CCDC186: variants seen among roughly 807,000 people sequenced by gnomAD.
CCDC186 encodes coiled-coil domain containing 186, also known as coiled-coil domain-containing protein 186.
Under a neutral mutation model 113.7 loss-of-function variants are expected in CCDC186, and 49 were observed. The observed-to-expected ratio is 0.43, with a 90% CI of 0.34 to 0.55. CCDC186 has a LOEUF of 0.55. CCDC186 is among the 20% of genes least tolerant of loss of function. The probability of loss-of-function intolerance (pLI) is 0.02; values close to 1 mark genes in which losing one functional copy is unlikely to be tolerated. For missense variants in CCDC186, 890 were observed against 1,011.1 expected (o/e 0.88, Z 1.62); for synonymous variants, 355 against 345.8 (o/e 1.03, Z -0.30).
At chr10:114,153,285 C>T (rs551669048) in intron 3 of CCDC186, among the ~76,000 whole-genome samples, 1 of 152,026 alleles carries the variant, frequency 6.6e-6, no homozygotes, top group South Asian at 2.1e-4. Flanking sequence ...TGGAATGAGA[C>T]CTCAGTAACA....
rs2030852405 is a variant in CCDC186 at position 114,125,156 on chromosome 10, G to A, written c.2684C>T (p.Thr895Ile). The change falls in exon 16 of 16, where the codon ACA (threonine) becomes ATA (isoleucine). Residue 895 changes from threonine to isoleucine, a missense_variant. By Grantham distance (89) the Thr-to-Ile change is moderately conservative (BLOSUM62 -1). Transcript: ENST00000369287. ...AAGAGGCTTGTTTTAGGTTTTCTTTGTCCTCTGTTCTAGTTCATGCTGGTG... is the reference window on the plus strand; with the variant it reads ...AAGAGGCTTGTTTTAGGTTTTCTTTATCCTCTGTTCTAGTTCATGCTGGTG... ...IKHQHELEQR[T>I]KKT 2 of 1,604,740 alleles carry A rather than the reference G, an allele frequency of 1.2e-6. No individual in the cohort carries two copies. Among genetic ancestry groups the A allele is most frequent in the Non-Finnish European group, 8.5e-7 (1 of 1,175,686 alleles).
chr10:114,127,000 T>C (rs1206761464), intron 14 of CCDC186, among the ~76,000 whole-genome samples: 1 of 152,028 alleles, frequency 6.6e-6, no homozygotes. Context: ...TCTGCAAAAT[T>C]AGAGAACTCA....
rs142037116 is a variant in CCDC186, at chr10:114,141,564, C to T, written c.1221+2933G>A. On this transcript the variant is annotated intron_variant, in intron 6 of 15. Coordinates refer to ENST00000369287, the MANE Select transcript of CCDC186 (RefSeq NM_018017.4). ...GATGGAAACATGAACAATTTCCTAG[C>T]CTTGTGGGAGCTCTAGGGATTGTTG... Among the ~76,000 whole-genome samples, 428 of 152,162 alleles carry T rather than the reference C, an allele frequency of 2.8e-3. 2 individuals are homozygous for T. The Middle Eastern group carries it at 0.034, about 12-fold the overall frequency.
At chr10:114,138,102 T>G (rs1222101542) in intron 6 of CCDC186, among the ~76,000 whole-genome samples, 5 of 114,966 alleles carry the variant, frequency 4.3e-5, no homozygotes, top group African/African-American at 1.3e-4. Flanking sequence ...TAGCCAGGCA[T>G]GGTGGTGGGC....
intron 10 of CCDC186, 56 bp from the exon 11 acceptor site, chr10:114,132,240 A>G: frequency 1.6e-6 from 2 of 1,284,960 alleles, no homozygotes; most frequent in Non-Finnish European, 2.1e-6. Flanking sequence ...ACATTAAATT[A>G]ATGGTTTGGG....
intron 15 of CCDC186, 85 bp downstream of exon 15, chr10:114,125,801 C>T: frequency 4.4e-6 from 5 of 1,138,472 alleles, no homozygotes; most frequent in Non-Finnish European, 5.2e-6. Context: ...ACAGAAACAG[C>T]CCAGCTGATT....
chr10:114,150,838 A>G (rs866861257), intron 4 of CCDC186, among the ~76,000 whole-genome samples: 1 of 152,100 alleles, frequency 6.6e-6, no homozygotes, highest in Non-Finnish European at 1.5e-5. Context: ...TTTAGTAGAG[A>G]TGGGGTTTCA....
chr10:114,141,494 T>C (rs527370882), intron 6 of CCDC186, among the ~76,000 whole-genome samples: 1 of 152,318 alleles, frequency 6.6e-6, no homozygotes, highest in East Asian at 1.9e-4. Flanking sequence ...GGCTGCTTGA[T>C]GCAGCCCTGC....
intron 13 of CCDC186, 83 bp downstream of exon 13, chr10:114,129,808 G>A: frequency 1.7e-6 from 2 of 1,204,210 alleles, no homozygotes; most frequent in East Asian, 2.4e-5. Context: ...GGGATTACAG[G>A]TGTGAGCCAT....
At chr10:114,135,202 T>C (rs2031218038) in intron 9 of CCDC186, 147 bp from the exon 10 acceptor site, 5 of 768,200 alleles carry the variant, frequency 6.5e-6, no homozygotes, top group African/African-American at 1.9e-5. Flanking sequence ...AATCCTAGCT[T>C]TTAGTCTCAG....
At chr10:114,161,944 T>C (rs2032179997) in intron 2 of CCDC186, 1 of 152,200 alleles carries the variant, frequency 6.6e-6, no homozygotes, top group South Asian at 2.1e-4. Context: ...ATGAAAAGTA[T>C]ATGATTTCAC....
At chr10:114,140,758 G>GT (rs995466609) in intron 6 of CCDC186, among the ~76,000 whole-genome samples, 2 of 151,362 alleles carry the variant, frequency 1.3e-5, no homozygotes, top group African/African-American at 2.4e-5. Context: ...ATGTCAATCT[G>GT]TTTTTTTTCT....
At chr10:114,159,640 CAAAAAAAAAAA>C (rs34339225) in intron 2 of CCDC186, among the ~76,000 whole-genome samples, 3 of 55,484 alleles carry the variant, frequency 5.4e-5, no homozygotes, top group Non-Finnish European at 1.1e-4. Flanking sequence ...GACTCCGTCT[CAAAAAAAAAAA>C]AAAAAAAAAA....
Position 114,157,592 on chromosome 10 carries a change from T to C in CCDC186, c.721A>G (p.Thr241Ala). The C allele has an allele frequency of 6.2e-7, 1 of 1,611,468 alleles. No homozygotes were observed. Among genetic ancestry groups the C allele is most frequent in the Non-Finnish European group, 8.5e-7 (1 of 1,179,284 alleles). The change falls in exon 3 of 16, where the codon ACA becomes GCA. Residue 241 changes from threonine to alanine, a missense_variant. By Grantham distance (58) the Thr-to-Ala change is moderately conservative (BLOSUM62 0). Coordinates refer to ENST00000369287, the MANE Select transcript of CCDC186 (RefSeq NM_018017.4). ...TTCATATGCTGCTTCTCAGTTTCTG[T>C]TCTTTTCTTTAGTTCTTCTCTTAAA... ...DNLREELKKRTETEKQHMNTI... is the reference protein window; with the variant it reads ...DNLREELKKRAETEKQHMNTI...
chr10:114,144,428 A>G, intron 6 of CCDC186, 69 bp downstream of exon 6: 1 of 1,530,452 alleles, frequency 6.5e-7, no homozygotes, highest in Non-Finnish European at 8.8e-7. Flanking sequence ...TCTCAAAAAA[A>G]AAACAAAAAC....
In CCDC186 at chr10:114,124,899, G is replaced by T; in HGVS notation, c.*244C>A. ...CTTATGAATACAAGCAAATTAAGTT[G>T]TTTAGATTCAATGACAGGCTGTCAT... is the stretch of plus-strand genomic sequence containing the variant. On this transcript the variant is annotated 3_prime_UTR_variant, in exon 16 of 16. Coordinates refer to ENST00000369287, the MANE Select transcript of CCDC186 (RefSeq NM_018017.4). 2 of 364,234 alleles carry T rather than the reference G, an allele frequency of 5.5e-6. No individual in the cohort carries two copies. Among genetic ancestry groups the T allele is most frequent in the Non-Finnish European group, 9.8e-6 (2 of 204,464 alleles). 22.6% of individuals were successfully genotyped at this position (364,234 alleles called of 1,614,324 possible).
rs779004873 is a variant in CCDC186 at position 114,131,950 on chromosome 10, C to T, written c.1890G>A (p.Met630Ile). 1.2e-6 allele frequency: 2 copies of T among 1,607,354 alleles called. No individual in the cohort carries two copies. Among genetic ancestry groups the T allele is most frequent in the Non-Finnish European group, 1.7e-6 (2 of 1,176,582 alleles). Residue 630 changes from methionine (M) to isoleucine (I), a missense_variant, in exon 11 of 16, where the codon ATG becomes ATA. Coordinates refer to ENST00000369287, the MANE Select transcript of CCDC186 (RefSeq NM_018017.4). ...TTACCAAATTAATATTTGTCTGTTT[C>T]ATTTGTTCACACTGGCTTTGTAACT... Reference protein sequence around the residue: ...ESQLQSQCEQMKQTNINLESR... With the variant: ...ESQLQSQCEQIKQTNINLESR...
At chr10:114,133,896 C>T (rs1228242436) in intron 10 of CCDC186, among the ~76,000 whole-genome samples, 1 of 151,952 alleles carries the variant, frequency 6.6e-6, no homozygotes, top group African/African-American at 2.4e-5. Context: ...GGCAAAGCCA[C>T]AGGAGTTTTG....
At chr10:114,155,721 CAAGT>C (rs1287583739) in intron 3 of CCDC186, among the ~76,000 whole-genome samples, 1 of 152,000 alleles carries the variant, frequency 6.6e-6, no homozygotes, top group African/African-American at 2.4e-5. Flanking sequence ...AAATTACAAA[CAAGT>C]GAGTTTATTA....
Sources: allele counts gnomAD v4.1 joint callset (sites outside exome capture counted in the v4.1 genomes callset), GRCh38; gene constraint gnomAD v4.1.1; transcripts MANE v1.5; gene names NCBI Gene and HGNC (gene_info 2026-07-23, HGNC 2026-07-21).